PDZRN4: variants seen among roughly 807,000 people sequenced by gnomAD.
PDZRN4 encodes the protein PDZ domain-containing RING finger protein 4.
PDZRN4 carries 70 observed loss-of-function variants against 99.0 expected under a neutral mutation model. That is an observed-to-expected ratio of 0.71 (90% CI 0.58 to 0.86). The LOEUF is 0.86. Among genes scored for constraint, PDZRN4 ranks in the 40% least tolerant of loss-of-function variants. The probability of loss-of-function intolerance (pLI) is 0.00; values close to 1 mark genes in which losing one functional copy is unlikely to be tolerated. For missense variants in PDZRN4, 1,474 were observed against 1,331.2 expected, an observed-to-expected ratio of 1.11 and a Z score of -1.67; for synonymous variants, 551 against 501.6, an observed-to-expected ratio of 1.10 and a Z score of -1.32.
chr12:41,454,962 G>A (rs1022721811), intron 3 of PDZRN4, among the ~76,000 whole-genome samples: 1 of 152,200 alleles, frequency 6.6e-6, no homozygotes, highest in Non-Finnish European at 1.5e-5. Flanking sequence ...CTCAGGAATT[G>A]AACTTCTACA....
intron 3 of PDZRN4, among the ~76,000 whole-genome samples, chr12:41,381,520 T>C (rs1198941209): frequency 6.6e-6 from 1 of 152,142 alleles, no homozygotes; most frequent in African/African-American, 2.4e-5. Context: ...CTATCATGGG[T>C]CTCTATTCAA....
At chr12:41,261,309 A>G (rs1413828513) in intron 3 of PDZRN4, among the ~76,000 whole-genome samples, 1 of 152,224 alleles carries the variant, frequency 6.6e-6, no homozygotes, top group Admixed American at 6.5e-5. Context: ...AATTTCTTTA[A>G]AATATACCTA....
chr12:41,275,745 A>T (rs878952830), intron 3 of PDZRN4, among the ~76,000 whole-genome samples: 1 of 152,170 alleles, frequency 6.6e-6, no homozygotes, highest in Admixed American at 6.6e-5. Context: ...TTCAAACCCA[A>T]ATATGGCCAC....
rs370045875 is a variant in PDZRN4 at position 41,453,890 on chromosome 12, G to GT, written c.844-52561dup. 3.3e-5 allele frequency among the ~76,000 whole-genome samples: 2 copies of GT among 60,080 alleles called. 1 individual carries two copies. Among genetic ancestry groups the GT allele is most frequent in the Non-Finnish European group, 6.8e-5 (2 of 29,358 alleles). 39.4% of individuals were successfully genotyped at this position (60,080 alleles called of 152,430 possible). A position where few individuals can be genotyped will look rare whatever the true frequency, so the allele number is the denominator to read the frequency against. ...CAGAGTTTCCTGTTTATAAGGGTGC[G>GT]TTTTTCAGCTCACTTTAAAATTTAA... On this transcript the variant is annotated intron_variant, in intron 3 of 9. Coordinates refer to ENST00000402685, the MANE Select transcript of PDZRN4 (RefSeq NM_001164595.2).
At chr12:41,270,263 TGTGTGTGTGTGTCTGTGTGTGTG>T (rs1279229023) in intron 3 of PDZRN4, among the ~76,000 whole-genome samples, 2,090 of 140,938 alleles carry the variant, frequency 0.015, 54 homozygotes, top group African/African-American at 0.051. Context: ...GTAACTATTG[TGTGTGTGTGTGTCTGTGTGTGTG>T]GTGTGTGTGT....
At chr12:41,354,586 A>G (rs1180483906) in intron 3 of PDZRN4, among the ~76,000 whole-genome samples, 3 of 152,250 alleles carry the variant, frequency 2.0e-5, no homozygotes, top group South Asian at 4.1e-4. Context: ...GAATTATCCA[A>G]GAAGTATCAG....
chr12:41,531,901 T>C (rs1938667557), intron 5 of PDZRN4, among the ~76,000 whole-genome samples: 1 of 152,230 alleles, frequency 6.6e-6, no homozygotes, highest in Admixed American at 6.5e-5. Context: ...GCTTAGTATT[T>C]GCCATAGTAT....
At chr12:41,486,987 C>A (rs1369890587) in intron 3 of PDZRN4, among the ~76,000 whole-genome samples, 1 of 150,160 alleles carries the variant, frequency 6.7e-6, no homozygotes, top group Non-Finnish European at 1.5e-5. Flanking sequence ...CTAGCACCAT[C>A]TCAGTGAGAC....
intron 5 of PDZRN4, among the ~76,000 whole-genome samples, chr12:41,545,295 G>A (rs903722926): frequency 1.3e-5 from 2 of 152,102 alleles, no homozygotes; most frequent in Non-Finnish European, 2.9e-5. Flanking sequence ...CATTAACTAC[G>A]TAAAGTTCCT....
intron 3 of PDZRN4, among the ~76,000 whole-genome samples, chr12:41,315,068 G>C (rs948988065): frequency 6.6e-6 from 1 of 151,972 alleles, no homozygotes; most frequent in Admixed American, 6.6e-5. Flanking sequence ...AATGTTCAGG[G>C]AAATTCATCT....
chr12:41,333,878 C>T (rs1178426661), intron 3 of PDZRN4, among the ~76,000 whole-genome samples: 1 of 152,056 alleles, frequency 6.6e-6, no homozygotes, highest in Non-Finnish European at 1.5e-5. Context: ...TCTGTTGGAT[C>T]AACCAAGTAA....
At chr12:41,431,509 C>A (rs1039276886) in intron 3 of PDZRN4, among the ~76,000 whole-genome samples, 1 of 152,192 alleles carries the variant, frequency 6.6e-6, no homozygotes, top group African/African-American at 2.4e-5. Context: ...CATGAATCTT[C>A]CTCAGGTCTG....
intron 3 of PDZRN4, among the ~76,000 whole-genome samples, chr12:41,430,099 G>A (rs1283661543): frequency 6.6e-6 from 1 of 152,182 alleles, no homozygotes; most frequent in Non-Finnish European, 1.5e-5. Flanking sequence ...TTTTATGATT[G>A]CAAGAAATCT....
chr12:41,548,504 AG>A (rs1938996145), intron 5 of PDZRN4, among the ~76,000 whole-genome samples: 1 of 152,248 alleles, frequency 6.6e-6, no homozygotes, highest in African/African-American at 2.4e-5. Context: ...TGGACATAAA[AG>A]ACCCTACATT....
At chr12:41,291,593 T>C (rs1951457001) in intron 3 of PDZRN4, among the ~76,000 whole-genome samples, 1 of 152,084 alleles carries the variant, frequency 6.6e-6, no homozygotes, top group Non-Finnish European at 1.5e-5. Context: ...AAGCCAAGAG[T>C]AGCCCTTAAA....
rs1171846086 is a variant in PDZRN4 at position 41,555,230 on chromosome 12, CAAAAA to C, written c.1303-453_1303-449del. On this transcript the variant is annotated intron_variant, in intron 6 of 9. Transcript: ENST00000402685. Reference sequence around the variant, plus strand: ...TGAGCGACAGAGCCAGACTCTGTCTCAAAAAAAAAAAAAAAAAAAGAAAAAAAAAA... The same window carrying C: ...TGAGCGACAGAGCCAGACTCTGTCTCAAAAAAAAAAAAAAGAAAAAAAAAA... Among the ~76,000 whole-genome samples the C allele has an allele frequency of 3.5e-3, 75 of 21,192 alleles. 1 individual carries two copies. Among genetic ancestry groups the C allele is most frequent in the African/African-American group, 8.1e-3 (73 of 9,014 alleles). The allele number at this position is 21,192 out of a possible 152,430, so 13.9% of individuals were successfully genotyped here.
chr12:41,217,339 C>T (rs1259281514), intron 3 of PDZRN4, among the ~76,000 whole-genome samples: 2 of 152,052 alleles, frequency 1.3e-5, no homozygotes, highest in African/African-American at 4.8e-5. Flanking sequence ...TATTTTAATG[C>T]TCTGCTGTCA....
At chr12:41,571,376 TCA>T (rs147910134) in intron 9 of PDZRN4, among the ~76,000 whole-genome samples, 1,457 of 65,396 alleles carry the variant, frequency 0.022, 44 homozygotes, top group Admixed American at 0.13. Flanking sequence ...TCTCTCTCTC[TCA>T]CACACACACA....
At chr12:41,458,323 A>G (rs1952835524) in intron 3 of PDZRN4, among the ~76,000 whole-genome samples, 1 of 152,098 alleles carries the variant, frequency 6.6e-6, no homozygotes, top group Non-Finnish European at 1.5e-5. Flanking sequence ...ATGCCCAGCT[A>G]ATTTTGTATT....
Sources: allele counts gnomAD v4.1 joint callset (sites outside exome capture counted in the v4.1 genomes callset), GRCh38; gene constraint gnomAD v4.1.1; transcripts MANE v1.5; gene names NCBI Gene and HGNC (gene_info 2026-07-23, HGNC 2026-07-21).